The following EPHA6 variants were observed in gnomAD, a reference collection of about 807,000 sequenced individuals.
EPHA6 encodes the protein ephrin type-A receptor 6.
EPHA6 carries 50 observed loss-of-function variants against 112.0 expected under a neutral mutation model. That is an observed-to-expected ratio of 0.45 (90% confidence interval 0.36 to 0.56). The LOEUF is 0.56. EPHA6 is among the 20% of genes least tolerant of loss of function. The pLI is 0.00. For synonymous variants in EPHA6, 529 were observed against 490.7 expected (o/e 1.08, Z -1.03); for missense variants, 1,280 against 1,417.4 (o/e 0.90, Z 1.56).
chr3:97,454,534 C>A (rs2090621722), intron 7 of EPHA6, among the ~76,000 whole-genome samples: 1 of 151,670 alleles, frequency 6.6e-6, no homozygotes, highest in African/African-American at 2.4e-5. Flanking sequence ...CATAGATAAG[C>A]AATATTGCTT....
At chr3:97,339,918 G>C (rs933691829) in intron 5 of EPHA6, among the ~76,000 whole-genome samples, 7 of 152,178 alleles carry the variant, frequency 4.6e-5, no homozygotes, top group Admixed American at 2.6e-4. Flanking sequence ...TGGTAGCTTA[G>C]CTCCCATTGA....
chr3:97,755,967 C>A lies in EPHA6; in HGVS notation c.*7266C>A, dbSNP rs2036015601. The stretch of plus-strand genomic sequence containing the variant: ...TTCCACTGCTTTTATAATTAAAAAT[C>A]TCTTTCCTACCTTTAGTAATTTGTA... On this transcript the variant is annotated 3_prime_UTR_variant, in exon 18 of 18. Coordinates refer to ENST00000389672, the MANE Select transcript of EPHA6 (RefSeq NM_001080448.3). Among the ~76,000 whole-genome samples, 2 of 152,038 alleles carry A rather than the reference C, an allele frequency of 1.3e-5. No homozygotes were observed. The highest frequency in any genetic ancestry group is 2.9e-5 in the Non-Finnish European group (2 of 67,884).
intron 5 of EPHA6, among the ~76,000 whole-genome samples, chr3:97,305,278 G>A (rs956928525): frequency 6.6e-6 from 1 of 152,012 alleles, no homozygotes; most frequent in Admixed American, 6.6e-5. Context: ...TACACTGTTG[G>A]TAGGAATGTA....
At chr3:97,616,288 A>G (rs2107482930) in intron 13 of EPHA6, among the ~76,000 whole-genome samples, 1 of 152,320 alleles carries the variant, frequency 6.6e-6, no homozygotes, top group Admixed American at 6.5e-5. Flanking sequence ...CAGCAACCTC[A>G]AAGATTGAAA....
chr3:97,018,511 A>G (rs926575175), intron 3 of EPHA6, among the ~76,000 whole-genome samples: 2 of 152,192 alleles, frequency 1.3e-5, no homozygotes, highest in African/African-American at 4.8e-5. Context: ...TCACGTGTCC[A>G]CTGGCCATAG....
intron 5 of EPHA6, among the ~76,000 whole-genome samples, chr3:97,346,674 T>TC (rs2083549679): frequency 6.6e-6 from 1 of 152,030 alleles, no homozygotes; most frequent in Admixed American, 6.6e-5. Flanking sequence ...TCAATTTTTT[T>TC]TTTTTTTGTC....
intron 14 of EPHA6, among the ~76,000 whole-genome samples, chr3:97,668,823 G>C (rs1240263196): frequency 6.9e-6 from 1 of 144,610 alleles, no homozygotes; most frequent in Non-Finnish European, 1.5e-5. Flanking sequence ...TGAGGCAGGA[G>C]AGTCGCTTGA....
intron 11 of EPHA6, among the ~76,000 whole-genome samples, chr3:97,576,198 A>G (rs1337836174): frequency 6.6e-6 from 1 of 152,168 alleles, no homozygotes; most frequent in East Asian, 1.9e-4. Context: ...CCTCTTCTCT[A>G]TAGAAGAGGT....
chr3:97,441,353 G>C (rs927752221), intron 6 of EPHA6: 4 of 516,666 alleles, frequency 7.7e-6, no homozygotes, highest in Non-Finnish European at 1.0e-5. Flanking sequence ...AAATTCACTT[G>C]GCAACAGATA....
chr3:96,974,321 G>A (rs2042435959), intron 2 of EPHA6, among the ~76,000 whole-genome samples: 2 of 149,488 alleles, frequency 1.3e-5, no homozygotes, highest in South Asian at 4.2e-4. Context: ...ATGTTGATGG[G>A]GAAGGGTTTT....
At chr3:96,955,646 T>C (rs1056741018) in intron 2 of EPHA6, among the ~76,000 whole-genome samples, 2 of 152,146 alleles carry the variant, frequency 1.3e-5, no homozygotes, top group African/African-American at 4.8e-5. Context: ...CAGACAGAAA[T>C]TTAAACATAA....
At chr3:97,626,630 T>C (rs2093859359) in intron 13 of EPHA6, among the ~76,000 whole-genome samples, 1 of 151,680 alleles carries the variant, frequency 6.6e-6, no homozygotes, top group Non-Finnish European at 1.5e-5. Flanking sequence ...TGAGAAAGTA[T>C]AGTTTTGTAT....
chr3:97,582,169 G>A (rs914987693), intron 11 of EPHA6, among the ~76,000 whole-genome samples: 3 of 151,914 alleles, frequency 2.0e-5, no homozygotes, highest in African/African-American at 7.3e-5. Context: ...AGCTGGGATT[G>A]CAGGCATGTG....
At chr3:97,698,454 T>A (rs1255018774) in intron 14 of EPHA6, among the ~76,000 whole-genome samples, 1 of 152,080 alleles carries the variant, frequency 6.6e-6, no homozygotes, top group Non-Finnish European at 1.5e-5. Context: ...TACAAATTCC[T>A]CTTCCTTGTG....
At chr3:97,420,490 G>T (rs1271328077) in intron 6 of EPHA6, among the ~76,000 whole-genome samples, 1 of 151,920 alleles carries the variant, frequency 6.6e-6, no homozygotes, top group Admixed American at 6.6e-5. Context: ...TACTAAATAT[G>T]ACTAAAAAGG....
chr3:97,191,327 A>G (rs1289804387), intron 3 of EPHA6, among the ~76,000 whole-genome samples: 1 of 151,942 alleles, frequency 6.6e-6, no homozygotes, highest in African/African-American at 2.4e-5. Flanking sequence ...AAATGTTCCA[A>G]TTATACTCTT....
chr3:97,059,989 C>T (rs1259602315), intron 3 of EPHA6, among the ~76,000 whole-genome samples: 2 of 151,838 alleles, frequency 1.3e-5, no homozygotes, highest in East Asian at 3.9e-4. Flanking sequence ...GGTGTGGTGG[C>T]ATGTGCCTGT....
intron 13 of EPHA6, among the ~76,000 whole-genome samples, chr3:97,612,908 A>G (rs1318071032): frequency 6.6e-6 from 1 of 152,112 alleles, no homozygotes; most frequent in Non-Finnish European, 1.5e-5. Context: ...CAAGGATTCA[A>G]ACTCAAGTCT....
At position 97,428,185 on chromosome 3, in the gene EPHA6, T is replaced by C. The variant is rs191882950; in HGVS notation, c.1732-20383T>C. 3.3e-5 allele frequency among the ~76,000 whole-genome samples: 5 copies of C among 152,276 alleles called. No homozygotes were observed. The East Asian group carries it at 9.6e-4, about 29-fold the overall frequency. On this transcript the variant is annotated intron_variant, in intron 6 of 17. Transcript: ENST00000389672. ...AAGACTACATATAATATAAAAATATTTGTAGAAACCTCAAAAACATACGAA... is the reference window on the plus strand; with the variant it reads ...AAGACTACATATAATATAAAAATATCTGTAGAAACCTCAAAAACATACGAA...
Sources: allele counts gnomAD v4.1 joint callset (sites outside exome capture counted in the v4.1 genomes callset), GRCh38; gene constraint gnomAD v4.1.1; transcripts MANE v1.5; gene names NCBI Gene and HGNC (gene_info 2026-07-23, HGNC 2026-07-21).